Variants in RAB40B observed in about 807,000 individuals in gnomAD.
RAB40B encodes the protein ras-related protein Rab-40B.
Under a neutral mutation model 24.0 loss-of-function variants are expected in RAB40B, and 21 were observed. That is an observed-to-expected ratio of 0.88 (90% CI 0.62 to 1.26). The LOEUF (loss-of-function observed/expected upper bound fraction) is 1.26. RAB40B is among the 50% of genes most tolerant of loss of function. RAB40B has a pLI of 0.00. For synonymous variants in RAB40B, 167 were observed against 169.8 expected (o/e 0.98, Z 0.13); for missense variants, 348 against 390.5 (o/e 0.89, Z 0.92).
chr17:82,679,343 G>A (rs1411432548), intron 1 of RAB40B, among the ~76,000 whole-genome samples: 6 of 150,890 alleles, frequency 4.0e-5, no homozygotes, highest in Admixed American at 1.3e-4. Context: ...GTGCAGTGGC[G>A]CAATCTCGGC....
At chr17:82,665,579 A>G (rs960513222) in intron 1 of RAB40B, among the ~76,000 whole-genome samples, 1 of 152,044 alleles carries the variant, frequency 6.6e-6, no homozygotes, top group African/African-American at 2.4e-5. Context: ...AAAAGCTACA[A>G]TTAAGGGCTG....
At chr17:82,687,931 G>C (rs529308364) in intron 1 of RAB40B, among the ~76,000 whole-genome samples, 3 of 152,140 alleles carry the variant, frequency 2.0e-5, no homozygotes, top group Non-Finnish European at 4.4e-5. Context: ...AATTAGCCGG[G>C]CATGGTGGCA....
At chr17:82,673,573 G>C (rs536800677) in intron 1 of RAB40B, among the ~76,000 whole-genome samples, 21 of 152,172 alleles carry the variant, frequency 1.4e-4, no homozygotes, top group Non-Finnish European at 2.9e-4. Flanking sequence ...CTTGTGTTTG[G>C]ACAGGCATAC....
intron 2 of RAB40B, chr17:82,661,367 T>C (rs965019530): frequency 1.1e-6 from 1 of 869,854 alleles, no homozygotes; most frequent in Non-Finnish European, 1.5e-6. Context: ...GATAAATCTA[T>C]GCAGTAAGGA....
chr17:82,667,706 C>T lies in RAB40B; in HGVS notation c.143-3150G>A, dbSNP rs914410427. ...AGACCAAGCAACACCAGAGCAAACTCCCCCCGTCAGAGGAGAGTGATTCAG... is the reference window on the plus strand; with the variant it reads ...AGACCAAGCAACACCAGAGCAAACTTCCCCCGTCAGAGGAGAGTGATTCAG... On this transcript the variant is annotated intron_variant, in intron 1 of 5. Coordinates refer to ENST00000571995, the MANE Select transcript of RAB40B (RefSeq NM_006822.3). This position sits in a 1 kb window ranked among gnomAD's most constrained non-coding sequence, Gnocchi z 4.3. Among the ~76,000 whole-genome samples, 2 of 152,124 alleles carry T rather than the reference C, an allele frequency of 1.3e-5. No homozygotes were observed. The highest frequency in any genetic ancestry group is 2.9e-5 in the Non-Finnish European group (2 of 68,032).
At chr17:82,698,424 G>A (rs1249688720) in intron 1 of RAB40B, 31 bp downstream of exon 1, 4 of 914,510 alleles carry the variant, frequency 4.4e-6, no homozygotes, top group African/African-American at 5.3e-5. Flanking sequence ...CCCCGCGCCC[G>A]CACCCCGGCA....
At chr17:82,687,085 C>A (rs2046510503) in intron 1 of RAB40B, among the ~76,000 whole-genome samples, 1 of 152,032 alleles carries the variant, frequency 6.6e-6, no homozygotes, top group Non-Finnish European at 1.5e-5. Context: ...CCCCCCCACA[C>A]CCCCGATGAT....
At chr17:82,678,231 T>A (rs1224520035) in intron 1 of RAB40B, among the ~76,000 whole-genome samples, 1 of 152,202 alleles carries the variant, frequency 6.6e-6, no homozygotes, top group Non-Finnish European at 1.5e-5. Context: ...CTAAGAAACA[T>A]TTTTGACATC....
chr17:82,674,317 C>CA (rs950108524), intron 1 of RAB40B, among the ~76,000 whole-genome samples: 5 of 149,556 alleles, frequency 3.3e-5, no homozygotes, highest in Admixed American at 1.3e-4. Context: ...CCAGCCTGGG[C>CA]AAAAAAGAGT....
chr17:82,686,281 T>G (rs1353336946), intron 1 of RAB40B, among the ~76,000 whole-genome samples: 1 of 151,568 alleles, frequency 6.6e-6, no homozygotes, highest in Non-Finnish European at 1.5e-5. Flanking sequence ...CCAGCTAATT[T>G]TTGTATTTTT....
intron 1 of RAB40B, among the ~76,000 whole-genome samples, chr17:82,688,731 C>T (rs1172182096): frequency 2.0e-5 from 3 of 152,070 alleles, no homozygotes; most frequent in African/African-American, 7.2e-5. Flanking sequence ...GTCAGGAGTT[C>T]GAGACCAGCC....
At chr17:82,676,921 C>G (rs1167397949) in intron 1 of RAB40B, among the ~76,000 whole-genome samples, 2 of 149,224 alleles carry the variant, frequency 1.3e-5, no homozygotes, top group African/African-American at 2.5e-5. Context: ...CTACCGCGCC[C>G]GGCCGGTAGC....
intron 1 of RAB40B, among the ~76,000 whole-genome samples, chr17:82,666,115 C>A (rs1026330300): frequency 2.6e-5 from 4 of 151,996 alleles, no homozygotes; most frequent in Non-Finnish European, 5.9e-5. Flanking sequence ...CACCTGCCAC[C>A]GCACCTGGCT....
intron 1 of RAB40B, among the ~76,000 whole-genome samples, chr17:82,665,132 G>A (rs891126402): frequency 4.6e-5 from 7 of 152,304 alleles, no homozygotes; most frequent in African/African-American, 1.4e-4. Flanking sequence ...ACACGGGACT[G>A]CACACCCGTC....
intron 1 of RAB40B, among the ~76,000 whole-genome samples, chr17:82,678,879 G>GTTTTTTTTTTTTTTTTT (rs35848277): frequency 2.0e-5 from 2 of 99,164 alleles, no homozygotes; most frequent in African/African-American, 7.8e-5. Context: ...CCCTTTCTGC[G>GTTTTTTTTTTTTTTTTT]TTTTTTTTTT....
rs1472546713 is a variant in RAB40B at position 82,675,728 on chromosome 17, A to T, written c.143-11172T>A. 6.6e-6 allele frequency among the ~76,000 whole-genome samples: 1 copy of T among 152,128 alleles called. No homozygotes were observed. Among genetic ancestry groups the T allele is most frequent in the African/African-American group, 2.4e-5 (1 of 41,410 alleles). On this transcript the variant is annotated intron_variant, in intron 1 of 5. Coordinates refer to ENST00000571995, the MANE Select transcript of RAB40B (RefSeq NM_006822.3). The surrounding 1 kb of genome is among the most constrained non-coding windows in gnomAD (Gnocchi z 4.5). ...GAGGGAGCTCTTGGATGCTTCACTC[A>T]TCCCATCCACAAAGCCCCACGTGAC...
In RAB40B at chr17:82,697,614, G is replaced by A. The variant is rs2046623363; in HGVS notation, c.142+841C>T. 6.6e-6 allele frequency among the ~76,000 whole-genome samples: 1 copy of A among 152,220 alleles called. No individual in the cohort carries two copies. The highest frequency in any genetic ancestry group is 2.4e-5 in the African/African-American group (1 of 41,470). On this transcript the variant is annotated intron_variant, in intron 1 of 5. Coordinates refer to ENST00000571995, the MANE Select transcript of RAB40B (RefSeq NM_006822.3). The surrounding 1 kb of genome is among the most constrained non-coding windows in gnomAD (Gnocchi z 4.9). ...CAAGCTGTTCCAGGGATGCGCGTGGGTGAAGGCCCCGCCTGCTCCTCACTC... is the reference window on the plus strand; with the variant it reads ...CAAGCTGTTCCAGGGATGCGCGTGGATGAAGGCCCCGCCTGCTCCTCACTC...
chr17:82,668,792 C>T (rs191833188), intron 1 of RAB40B, among the ~76,000 whole-genome samples: 27 of 152,222 alleles, frequency 1.8e-4, no homozygotes, highest in African/African-American at 6.0e-4. Flanking sequence ...GGCAGCGGGC[C>T]GCGGCACGCA....
intron 2 of RAB40B, chr17:82,662,239 C>T (rs1158414866): frequency 1.0e-6 from 1 of 985,468 alleles, no homozygotes; most frequent in Non-Finnish European, 1.2e-6. Context: ...TGCCTCATTT[C>T]CTGAGAAGCA....
Sources: allele counts gnomAD v4.1 joint callset (sites outside exome capture counted in the v4.1 genomes callset), GRCh38; gene constraint gnomAD v4.1.1; non-coding constraint Gnocchi (gnomAD v3.1); transcripts MANE v1.5; gene names NCBI Gene and HGNC (gene_info 2026-07-23, HGNC 2026-07-21).